HS6ST3: variants seen among roughly 807,000 people sequenced by gnomAD.
HS6ST3 encodes heparan sulfate 6-O-sulfotransferase 3.
In HS6ST3, 12 loss-of-function variants were observed where a neutral mutation model predicts 36.7. That is an observed-to-expected ratio of 0.33 (90% CI 0.21 to 0.53). The LOEUF is 0.53. HS6ST3 is among the 20% of genes least tolerant of loss of function. HS6ST3 has a pLI of 0.95. For missense variants in HS6ST3, 584 were observed against 640.9 expected, an observed-to-expected ratio of 0.91 and a Z score of 0.96; for synonymous variants, 240 against 257.5, an observed-to-expected ratio of 0.93 and a Z score of 0.65.
chr13:96,580,605 G>A (rs917053493), intron 1 of HS6ST3, among the ~76,000 whole-genome samples: 3 of 152,004 alleles, frequency 2.0e-5, no homozygotes, highest in Admixed American at 6.6e-5. Flanking sequence ...GGTAATTATT[G>A]TGTGGAAAGA....
intron 1 of HS6ST3, among the ~76,000 whole-genome samples, chr13:96,294,096 T>C (rs1318729749): frequency 2.6e-5 from 4 of 152,248 alleles, no homozygotes; most frequent in East Asian, 3.9e-4. Context: ...AAAGCTGTTA[T>C]TGGCATTTTT....
chr13:96,389,398 A>G (rs2055384765), intron 1 of HS6ST3, among the ~76,000 whole-genome samples: 1 of 152,192 alleles, frequency 6.6e-6, no homozygotes, highest in South Asian at 2.1e-4. Flanking sequence ...TATTTAAAAA[A>G]TAAAAAAACC....
intron 1 of HS6ST3, among the ~76,000 whole-genome samples, chr13:96,446,844 C>T (rs936460515): frequency 2.0e-5 from 3 of 152,294 alleles, no homozygotes; most frequent in Non-Finnish European, 2.9e-5. Flanking sequence ...AGTTCGCCCT[C>T]GAAATGTGGC....
At chr13:96,395,749 T>C (rs2055417885) in intron 1 of HS6ST3, among the ~76,000 whole-genome samples, 1 of 152,138 alleles carries the variant, frequency 6.6e-6, no homozygotes, top group African/African-American at 2.4e-5. Flanking sequence ...TTATGATACT[T>C]ATTTACTTTT....
intron 1 of HS6ST3, among the ~76,000 whole-genome samples, chr13:96,154,414 T>C (rs2054101031): frequency 1.3e-5 from 2 of 152,146 alleles, no homozygotes; most frequent in Non-Finnish European, 2.9e-5. Flanking sequence ...CTCCAAATTG[T>C]CCCTTAAGTA....
chr13:96,739,145 C>T (rs977491764), intron 1 of HS6ST3, among the ~76,000 whole-genome samples: 2 of 151,132 alleles, frequency 1.3e-5, no homozygotes, highest in East Asian at 3.9e-4. Flanking sequence ...TCCTCCTATC[C>T]CTTTTACTAC....
intron 1 of HS6ST3, among the ~76,000 whole-genome samples, chr13:96,157,822 A>G (rs767504914): frequency 1.3e-5 from 2 of 152,236 alleles, no homozygotes; most frequent in Non-Finnish European, 2.9e-5. Flanking sequence ...CGGATTCTAT[A>G]TAAACCTTAC....
At chr13:96,668,081 C>T (rs147508762) in intron 1 of HS6ST3, among the ~76,000 whole-genome samples, 2,006 of 152,208 alleles carry the variant, frequency 0.013, 29 homozygotes, top group Middle Eastern at 0.024. Context: ...ATCTTCACAA[C>T]AGCTCTTTGC....
intron 1 of HS6ST3, among the ~76,000 whole-genome samples, chr13:96,324,253 G>T (rs7320735): frequency 6.6e-6 from 1 of 151,964 alleles, no homozygotes; most frequent in African/African-American, 2.4e-5. Flanking sequence ...ATATCTTTAA[G>T]ATAGGAGTAT....
At chr13:96,529,154 C>A (rs2056126037) in intron 1 of HS6ST3, among the ~76,000 whole-genome samples, 1 of 151,946 alleles carries the variant, frequency 6.6e-6, no homozygotes, top group African/African-American at 2.4e-5. Flanking sequence ...TTAAGGAGTC[C>A]TTGAAGCCAA....
chr13:96,152,811 C>G (rs1266718955), intron 1 of HS6ST3, among the ~76,000 whole-genome samples: 5 of 152,142 alleles, frequency 3.3e-5, no homozygotes, highest in Non-Finnish European at 7.3e-5. Context: ...TCAAGGTCAT[C>G]CATGATTTGA....
intron 1 of HS6ST3, among the ~76,000 whole-genome samples, chr13:96,253,511 G>A (rs894806924): frequency 2.0e-5 from 3 of 152,042 alleles, no homozygotes; most frequent in Non-Finnish European, 2.9e-5. Context: ...TTGGTATGCT[G>A]GATACTCAAC....
chr13:96,756,187 A>C (rs1361333089), intron 1 of HS6ST3, among the ~76,000 whole-genome samples: 1 of 152,000 alleles, frequency 6.6e-6, no homozygotes, highest in Admixed American at 6.6e-5. Flanking sequence ...CCCATTATTA[A>C]TTGGGAAAAC....
chr13:96,301,614 G>T (rs1005064808), intron 1 of HS6ST3, among the ~76,000 whole-genome samples: 1 of 151,996 alleles, frequency 6.6e-6, no homozygotes, highest in Non-Finnish European at 1.5e-5. Flanking sequence ...TTTTCTGGCC[G>T]GGTGCGGGGG....
At chr13:96,242,265 A>G (rs1170200821) in intron 1 of HS6ST3, among the ~76,000 whole-genome samples, 1 of 149,664 alleles carries the variant, frequency 6.7e-6, no homozygotes, top group East Asian at 2.0e-4. Flanking sequence ...TCTGTCCCCC[A>G]AGGTAGAGTG....
intron 1 of HS6ST3, among the ~76,000 whole-genome samples, chr13:96,220,409 T>TC (rs2054449540): frequency 6.6e-6 from 1 of 152,284 alleles, no homozygotes; most frequent in African/African-American, 2.4e-5. Flanking sequence ...GCACTTTTTT[T>TC]CTCTAAGGGT....
chr13:96,704,549 C>A (rs1875369783), intron 1 of HS6ST3, among the ~76,000 whole-genome samples: 2 of 152,178 alleles, frequency 1.3e-5, no homozygotes, highest in South Asian at 4.2e-4. Context: ...TCTAAAAATT[C>A]AATATAGAAT....
At chr13:96,496,497 C>T (rs549412159) in intron 1 of HS6ST3, among the ~76,000 whole-genome samples, 1 of 152,100 alleles carries the variant, frequency 6.6e-6, no homozygotes, top group South Asian at 2.1e-4. Context: ...AAGCCAGCTG[C>T]CAAATAAGAG....
At chr13:96,610,998 A>G (rs2056455375) in intron 1 of HS6ST3, among the ~76,000 whole-genome samples, 1 of 151,918 alleles carries the variant, frequency 6.6e-6, no homozygotes. Context: ...GAAATGTATC[A>G]GGCTTAAAAA....
Sources: allele counts gnomAD v4.1 joint callset (sites outside exome capture counted in the v4.1 genomes callset), GRCh38; gene constraint gnomAD v4.1.1; transcripts MANE v1.5; gene names NCBI Gene and HGNC (gene_info 2026-07-23, HGNC 2026-07-21).